The following PPP2R2B variants were observed in gnomAD, a reference collection of about 807,000 sequenced individuals.
PPP2R2B encodes the protein protein phosphatase 2 regulatory subunit Bbeta.
A neutral mutation model predicts 46.0 loss-of-function variants in PPP2R2B; 5 were observed. The ratio of observed to expected loss-of-function variants is 0.11; its 90% CI spans 0.06 to 0.23. PPP2R2B has a LOEUF of 0.23. Among genes scored for constraint, PPP2R2B ranks in the 10% least tolerant of loss-of-function variants. PPP2R2B has a pLI of 1.00. For missense variants in PPP2R2B, 367 were observed against 575.0 expected (o/e 0.64, Z 3.70); for synonymous variants, 215 against 206.7 (o/e 1.04, Z -0.34).
At chr5:146,924,112 A>G (rs554954388) in intron 1 of PPP2R2B, among the ~76,000 whole-genome samples, 62 of 152,200 alleles carry the variant, frequency 4.1e-4, no homozygotes, top group Non-Finnish European at 8.8e-4. Flanking sequence ...AGGAAAAATA[A>G]CTAATGGGTA....
intron 2 of PPP2R2B, among the ~76,000 whole-genome samples, chr5:146,863,250 C>G (rs1761114096): frequency 6.6e-6 from 1 of 152,096 alleles, no homozygotes; most frequent in South Asian, 2.1e-4. Context: ...CAGGCTAATC[C>G]TACAGAATAG....
intron 7 of PPP2R2B, among the ~76,000 whole-genome samples, chr5:146,637,497 CCT>C (rs1774900128): frequency 6.6e-6 from 1 of 152,206 alleles, no homozygotes; most frequent in Non-Finnish European, 1.5e-5. Context: ...GGCTTCCTAA[CCT>C]GTCTCCTTGT....
chr5:147,047,844 A>G (rs1756614189), intron 1 of PPP2R2B, among the ~76,000 whole-genome samples: 2 of 152,322 alleles, frequency 1.3e-5, no homozygotes, highest in South Asian at 2.1e-4. Flanking sequence ...CTTTTCTGCC[A>G]GATATCAGAA....
rs544804882 is a variant in PPP2R2B, at chr5:146,725,623, T to C, written c.71-24481A>G. Among the ~76,000 whole-genome samples, 4 of 152,336 alleles carry C rather than the reference T, an allele frequency of 2.6e-5. No individual in the cohort carries two copies. In the East Asian group the frequency reaches 5.8e-4, roughly 22 times the overall value. On this transcript the variant is annotated intron_variant, in intron 2 of 9. Transcript: ENST00000394411. ...TTCTCAGCACAGAAAATATATATCA[T>C]ATAGAACAAAGAAATCTTCAAACCC... is the stretch of plus-strand genomic sequence containing the variant.
chr5:146,988,639 T>C (rs1753542882), intron 1 of PPP2R2B, among the ~76,000 whole-genome samples: 1 of 151,862 alleles, frequency 6.6e-6, no homozygotes, highest in Non-Finnish European at 1.5e-5. Context: ...GAAGTCATTG[T>C]AATAAATGCC....
At chr5:146,669,363 G>T (rs1244258783) in intron 5 of PPP2R2B, among the ~76,000 whole-genome samples, 1 of 152,034 alleles carries the variant, frequency 6.6e-6, no homozygotes, top group Non-Finnish European at 1.5e-5. Flanking sequence ...CAATGGTCTG[G>T]GTGGATCTCA....
intron 2 of PPP2R2B, among the ~76,000 whole-genome samples, chr5:146,746,579 ACT>A: frequency 6.6e-6 from 1 of 151,832 alleles, no homozygotes; most frequent in Admixed American, 6.6e-5. Flanking sequence ...TTCCAGGACG[ACT>A]CTGTCTGCTC....
intron 2 of PPP2R2B, among the ~76,000 whole-genome samples, chr5:146,765,728 T>G (rs974235107): frequency 6.6e-6 from 1 of 152,200 alleles, no homozygotes; most frequent in Admixed American, 6.5e-5. Context: ...GAGAAGATAG[T>G]TAATGCATAT....
At chr5:147,060,173 T>C (rs1029249400), upstream of PPP2R2B, among the ~76,000 whole-genome samples, 1 of 152,208 alleles carries the variant, frequency 6.6e-6, no homozygotes, top group Non-Finnish European at 1.5e-5. Context: ...AGAGGTTTCT[T>C]GATGCCTCAG....
intron 1 of PPP2R2B, among the ~76,000 whole-genome samples, chr5:147,027,923 C>T (rs1346028099): frequency 1.3e-5 from 2 of 152,028 alleles, no homozygotes; most frequent in Non-Finnish European, 2.9e-5. Flanking sequence ...AAGAGAAGTC[C>T]GTGGTTGGGG....
At chr5:146,842,688 G>C (rs753252797) in intron 2 of PPP2R2B, among the ~76,000 whole-genome samples, 3 of 151,882 alleles carry the variant, frequency 2.0e-5, no homozygotes, top group Non-Finnish European at 4.4e-5. Context: ...TCCTCTCTAT[G>C]TATCCGTGTG....
At chr5:146,917,968 TCTG>T (rs1763454154) in intron 1 of PPP2R2B, 1 of 152,224 alleles carries the variant, frequency 6.6e-6, no homozygotes, top group Admixed American at 6.5e-5. Flanking sequence ...ATGCAAGCTA[TCTG>T]CTTTTCAGAG....
At chr5:146,644,469 C>T (rs1355781716) in intron 6 of PPP2R2B, among the ~76,000 whole-genome samples, 3 of 152,078 alleles carry the variant, frequency 2.0e-5, no homozygotes, top group African/African-American at 4.8e-5. Context: ...ACAATGAATA[C>T]ATATTAAACA....
At chr5:146,763,903 T>C (rs1291261002) in intron 2 of PPP2R2B, among the ~76,000 whole-genome samples, 4 of 152,138 alleles carry the variant, frequency 2.6e-5, no homozygotes, top group Non-Finnish European at 5.9e-5. Flanking sequence ...TTATATTTTA[T>C]TTTTTGTAGA....
chr5:146,647,065 C>T (rs563052053), intron 6 of PPP2R2B, among the ~76,000 whole-genome samples: 1 of 152,144 alleles, frequency 6.6e-6, no homozygotes, highest in South Asian at 2.1e-4. Context: ...CACCAAATGC[C>T]AGTCACAGGA....
At chr5:146,838,347 A>C (rs1238442375) in intron 2 of PPP2R2B, among the ~76,000 whole-genome samples, 1 of 152,002 alleles carries the variant, frequency 6.6e-6, no homozygotes, top group Non-Finnish European at 1.5e-5. Flanking sequence ...CAAGGTGGGT[A>C]GATCTCTTGA....
At chr5:146,719,040 C>A (rs913559299) in intron 2 of PPP2R2B, among the ~76,000 whole-genome samples, 2 of 152,222 alleles carry the variant, frequency 1.3e-5, no homozygotes, top group African/African-American at 4.8e-5. Flanking sequence ...GATTTGCTGT[C>A]CATTGAAAAC....
intron 2 of PPP2R2B, among the ~76,000 whole-genome samples, chr5:146,787,002 C>A (rs1299767720): frequency 6.6e-6 from 1 of 152,128 alleles, no homozygotes; most frequent in East Asian, 1.9e-4. Context: ...CCCTATTTTA[C>A]AGATAAAAAA....
intron 2 of PPP2R2B, chr5:146,707,549 C>A (rs1000082771): frequency 2.8e-6 from 2 of 720,678 alleles, no homozygotes; most frequent in East Asian, 2.6e-5. Flanking sequence ...GCAGAAGGCC[C>A]GGGTGCCAGA....
Sources: gnomAD v4.1 joint callset for allele counts (sites outside exome capture counted in the v4.1 genomes callset) on GRCh38, gnomAD v4.1.1 for gene constraint, MANE v1.5 for transcripts, NCBI Gene and HGNC (gene_info 2026-07-23, HGNC 2026-07-21) for gene names.